CAMKMT: variants seen among roughly 807,000 people sequenced by gnomAD.
The protein encoded by CAMKMT is calmodulin-lysine N-methyltransferase.
Under a neutral mutation model 48.0 loss-of-function variants are expected in CAMKMT, and 53 were observed. That is an observed-to-expected ratio of 1.10 (90% CI 0.89 to 1.39). The LOEUF (loss-of-function observed/expected upper bound fraction) is 1.39. CAMKMT is among the 40% of genes most tolerant of loss of function. The pLI, the probability that CAMKMT is intolerant of heterozygous loss-of-function variation, is 0.00. For missense variants in CAMKMT, 428 were observed against 402.7 expected, an observed-to-expected ratio of 1.06 and a Z score of -0.54; for synonymous variants, 165 against 152.3, an observed-to-expected ratio of 1.08 and a Z score of -0.61.
chr2:44,570,394 G>A (rs1220147634), intron 3 of CAMKMT, among the ~76,000 whole-genome samples: 2 of 152,042 alleles, frequency 1.3e-5, no homozygotes, highest in Non-Finnish European at 2.9e-5. Context: ...ACTGAACTAT[G>A]ATGAAATCCC....
chr2:44,590,465 G>C (rs1045998687), intron 3 of CAMKMT, among the ~76,000 whole-genome samples: 1 of 152,164 alleles, frequency 6.6e-6, no homozygotes, highest in Non-Finnish European at 1.5e-5. Context: ...GGCGTGAGAT[G>C]GTATCTCATT....
chr2:44,621,566 G>C (rs1352629323), intron 3 of CAMKMT, among the ~76,000 whole-genome samples: 1 of 152,186 alleles, frequency 6.6e-6, no homozygotes, highest in South Asian at 2.1e-4. Flanking sequence ...ATACAAAGGA[G>C]CTGAAAGAAG....
intron 3 of CAMKMT, chr2:44,391,789 C>G (rs1681367629): frequency 6.5e-6 from 1 of 152,988 alleles, no homozygotes; most frequent in African/African-American, 2.4e-5. Flanking sequence ...CATTTTTTCC[C>G]ATCAACTTGT....
chr2:44,417,961 G>A (rs1419427823), intron 3 of CAMKMT, among the ~76,000 whole-genome samples: 1 of 152,166 alleles, frequency 6.6e-6, no homozygotes, highest in South Asian at 2.1e-4. Flanking sequence ...GGGAAGCCGA[G>A]GCGGGTAGAT....
chr2:44,683,522 A>G (rs1410202186), intron 3 of CAMKMT, among the ~76,000 whole-genome samples: 3 of 152,192 alleles, frequency 2.0e-5, no homozygotes, highest in Non-Finnish European at 4.4e-5. Flanking sequence ...TAAAGCACCT[A>G]TGAAAAACAG....
chr2:44,543,674 GA>G (rs1263134923), intron 3 of CAMKMT, among the ~76,000 whole-genome samples: 2 of 152,074 alleles, frequency 1.3e-5, no homozygotes, highest in Non-Finnish European at 2.9e-5. Context: ...TAATTTTTGA[GA>G]ATGCAAGGAT....
intron 3 of CAMKMT, among the ~76,000 whole-genome samples, chr2:44,564,130 ATAT>A (rs1236443314): frequency 1.3e-5 from 2 of 151,518 alleles, no homozygotes; most frequent in Non-Finnish European, 2.9e-5. Flanking sequence ...CATTAGTTTC[ATAT>A]TATTTATACA....
In CAMKMT at chr2:44,518,246, C is replaced by T. The variant is rs540603552; in HGVS notation, c.376+127941C>T. Among the ~76,000 whole-genome samples, 6 of 151,890 alleles carry T rather than the reference C, an allele frequency of 4.0e-5. No individual in the cohort carries two copies. In the South Asian group the frequency reaches 6.2e-4, roughly 16 times the overall value. The stretch of plus-strand genomic sequence containing the variant: ...TTGTCTCTCTGGTTATTCTAGTCAT[C>T]GAGAATCAACAAGGAAGGGGCCGTT... On this transcript the variant is annotated intron_variant, in intron 3 of 10. Transcript: ENST00000378494.
intron 3 of CAMKMT, among the ~76,000 whole-genome samples, chr2:44,565,277 T>A (rs10189073): frequency 6.6e-6 from 1 of 152,012 alleles, no homozygotes; most frequent in East Asian, 1.9e-4. Flanking sequence ...AAATAAACAT[T>A]AAAAAAATAA....
At chr2:44,702,550 G>A (rs941874937) in intron 3 of CAMKMT, among the ~76,000 whole-genome samples, 4 of 152,290 alleles carry the variant, frequency 2.6e-5, no homozygotes, top group Non-Finnish European at 5.9e-5. Flanking sequence ...TGAGGGATAG[G>A]CAGGTTAAGT....
In CAMKMT at chr2:44,668,774, T is replaced by C. The variant is rs6712486; in HGVS notation, c.377-35509T>C. 6.6e-3 allele frequency among the ~76,000 whole-genome samples: 1,001 copies of C among 152,080 alleles called. 17 individuals are homozygous for C. The highest frequency in any genetic ancestry group is 0.023 in the African/African-American group (937 of 41,456). Reference sequence around the variant, plus strand: ...ATTTTTGCCATCATTTACTTGCTTTTCTTTTTTCTTTTTTCTTTTTTTTTT... The same window carrying C: ...ATTTTTGCCATCATTTACTTGCTTTCCTTTTTTCTTTTTTCTTTTTTTTTT... On this transcript the variant is annotated intron_variant, in intron 3 of 10. Transcript: ENST00000378494.
intron 3 of CAMKMT, among the ~76,000 whole-genome samples, chr2:44,404,874 A>G (rs944558809): frequency 6.6e-6 from 1 of 152,054 alleles, no homozygotes; most frequent in Non-Finnish European, 1.5e-5. Context: ...GTGTCTTTTT[A>G]AAAAAAGATG....
intron 3 of CAMKMT, among the ~76,000 whole-genome samples, chr2:44,698,503 T>G (rs891738652): frequency 1.3e-5 from 2 of 152,248 alleles, no homozygotes; most frequent in African/African-American, 4.8e-5. Flanking sequence ...AAGTTTGCAC[T>G]ATACTGTAGC....
At chr2:44,726,690 G>A (rs1678805685) in intron 7 of CAMKMT, among the ~76,000 whole-genome samples, 1 of 152,086 alleles carries the variant, frequency 6.6e-6, no homozygotes, top group South Asian at 2.1e-4. Flanking sequence ...AAAATTATTT[G>A]CCAAGGCCAA....
intron 6 of CAMKMT, among the ~76,000 whole-genome samples, chr2:44,708,899 GT>G (rs548456224): frequency 2.6e-5 from 4 of 151,916 alleles, no homozygotes; most frequent in African/African-American, 9.7e-5. Context: ...GTAACCTAAG[GT>G]TTTTTTCAAG....
intron 3 of CAMKMT, among the ~76,000 whole-genome samples, chr2:44,481,752 T>G (rs186350295): frequency 6.6e-6 from 1 of 152,214 alleles, no homozygotes; most frequent in Non-Finnish European, 1.5e-5. Context: ...AAGCTTTTGA[T>G]GAATCAGATA....
intron 2 of CAMKMT, among the ~76,000 whole-genome samples, chr2:44,373,974 A>G (rs1327526398): frequency 2.0e-5 from 3 of 151,892 alleles, no homozygotes; most frequent in African/African-American, 7.3e-5. Context: ...AAATACAAAA[A>G]TTAATTGGGC....
intron 3 of CAMKMT, among the ~76,000 whole-genome samples, chr2:44,489,667 C>T (rs1669389763): frequency 6.6e-6 from 1 of 151,758 alleles, no homozygotes; most frequent in African/African-American, 2.4e-5. Flanking sequence ...AACTAATTGC[C>T]GTGAGAAGTA....
chr2:44,577,643 C>G (rs1036114242), intron 3 of CAMKMT, among the ~76,000 whole-genome samples: 5 of 139,874 alleles, frequency 3.6e-5, no homozygotes, highest in East Asian at 2.1e-4. Flanking sequence ...AAAGAAAGGA[C>G]GGGGAGGGGG....
Sources: allele counts gnomAD v4.1 joint callset (sites outside exome capture counted in the v4.1 genomes callset), GRCh38; gene constraint gnomAD v4.1.1; transcripts MANE v1.5; gene names NCBI Gene and HGNC (gene_info 2026-07-23, HGNC 2026-07-21).